FBXW7: variants seen among roughly 807,000 people sequenced by gnomAD.
FBXW7 encodes the protein F-box and WD repeat domain containing 7.
FBXW7 carries 11 observed loss-of-function variants against 86.3 expected under a neutral mutation model. That is an observed-to-expected ratio of 0.13 (90% CI 0.08 to 0.21). The LOEUF (loss-of-function observed/expected upper bound fraction) is 0.21. Ranked by LOEUF, FBXW7 falls within the 10% of genes least tolerant of loss-of-function variation. The pLI, the probability that FBXW7 is intolerant of heterozygous loss-of-function variation, is 1.00. For missense variants in FBXW7, 488 were observed against 847.4 expected (o/e 0.58, Z 5.27); for synonymous variants, 313 against 297.9 (o/e 1.05, Z -0.52).
chr4:152,481,312 A>G (rs758202726), intron 2 of FBXW7, among the ~76,000 whole-genome samples: 3 of 152,212 alleles, frequency 2.0e-5, no homozygotes, highest in Non-Finnish European at 4.4e-5. Context: ...TTGAGACTGT[A>G]GCTCAGAATA....
At chr4:152,361,965 CAAAAA>C (rs569330155) in intron 4 of FBXW7, among the ~76,000 whole-genome samples, 1 of 37,118 alleles carries the variant, frequency 2.7e-5, no homozygotes. Flanking sequence ...GACTCCATCT[CAAAAA>C]AAAAAAAAAA....
chr4:152,407,706 G>A (rs918392983), intron 4 of FBXW7, among the ~76,000 whole-genome samples: 1 of 152,066 alleles, frequency 6.6e-6, no homozygotes. Context: ...CAATACACTA[G>A]ATGCTTCTCC....
At chr4:152,490,446 C>T (rs545404651) in intron 2 of FBXW7, among the ~76,000 whole-genome samples, 3 of 152,154 alleles carry the variant, frequency 2.0e-5, no homozygotes, top group African/African-American at 7.2e-5. Flanking sequence ...AAGTACCAGG[C>T]ATTACATATA....
intron 2 of FBXW7, among the ~76,000 whole-genome samples, chr4:152,511,491 T>C (rs1223530245): frequency 6.6e-6 from 1 of 152,190 alleles, no homozygotes; most frequent in Non-Finnish European, 1.5e-5. Flanking sequence ...CAGGTGGATA[T>C]ATCTTTTGAT....
intron 2 of FBXW7, among the ~76,000 whole-genome samples, chr4:152,477,332 A>G (rs1744509190): frequency 6.6e-6 from 1 of 152,168 alleles, no homozygotes; most frequent in Non-Finnish European, 1.5e-5. Context: ...ATTAGCAGTC[A>G]TCGGACCTAT....
At chr4:152,332,773 T>C in intron 7 of FBXW7, 54 bp from the exon 8 acceptor site, 3 of 828,438 alleles carry the variant, frequency 3.6e-6, no homozygotes, top group Non-Finnish European at 4.7e-6. Context: ...ATATATATTA[T>C]ATAATAAGTT....
chr4:152,340,802 C>G (rs1730664190), intron 6 of FBXW7, among the ~76,000 whole-genome samples: 1 of 152,088 alleles, frequency 6.6e-6, no homozygotes, highest in Non-Finnish European at 1.5e-5. Flanking sequence ...TTTTCAACAT[C>G]TATTTTTGGA....
At chr4:152,344,206 A>C (rs1363101874) in intron 6 of FBXW7, among the ~76,000 whole-genome samples, 1 of 152,186 alleles carries the variant, frequency 6.6e-6, no homozygotes, top group Non-Finnish European at 1.5e-5. Flanking sequence ...AAGCACAGTA[A>C]GCCTTTAGGC....
At chr4:152,485,052 C>A (rs1303954080) in intron 2 of FBXW7, among the ~76,000 whole-genome samples, 1 of 150,494 alleles carries the variant, frequency 6.6e-6, no homozygotes, top group East Asian at 2.0e-4. Flanking sequence ...ATAGTAATGA[C>A]AACAAAAATA....
intron 2 of FBXW7, among the ~76,000 whole-genome samples, chr4:152,519,527 C>T (rs777822524): frequency 2.5e-4 from 38 of 152,126 alleles, no homozygotes; most frequent in Non-Finnish European, 4.9e-4. Context: ...CAGTTTTCTC[C>T]ATAATCTTAG....
intron 4 of FBXW7, among the ~76,000 whole-genome samples, chr4:152,374,387 AC>A (rs1440819106): frequency 6.6e-6 from 1 of 152,120 alleles, no homozygotes; most frequent in African/African-American, 2.4e-5. Flanking sequence ...CATAGTAATT[AC>A]TTTTAAAATT....
chr4:152,401,962 C>T (rs1736971042), intron 4 of FBXW7, among the ~76,000 whole-genome samples: 1 of 152,098 alleles, frequency 6.6e-6, no homozygotes, highest in Admixed American at 6.5e-5. Context: ...AAGTGTATTT[C>T]TTCTTACCAG....
At chr4:152,324,734 G>A (rs1298784933) in intron 12 of FBXW7, 1 of 229,372 alleles carries the variant, frequency 4.4e-6, no homozygotes, top group Non-Finnish European at 8.6e-6. Flanking sequence ...ATGGATGACT[G>A]AGAGAATTGC....
chr4:152,383,509 A>G (rs539889940), intron 4 of FBXW7, among the ~76,000 whole-genome samples: 7 of 152,150 alleles, frequency 4.6e-5, no homozygotes, highest in Non-Finnish European at 8.8e-5. Flanking sequence ...CAGATAGTAG[A>G]TAATGATTGT....
intron 7 of FBXW7, among the ~76,000 whole-genome samples, chr4:152,333,203 G>A (rs995245344): frequency 2.6e-5 from 4 of 152,068 alleles, no homozygotes; most frequent in Non-Finnish European, 4.4e-5. Flanking sequence ...AAATCAAAGT[G>A]TTTATTATTG....
At chr4:152,340,433 G>A (rs1337794107) in intron 6 of FBXW7, among the ~76,000 whole-genome samples, 1 of 151,882 alleles carries the variant, frequency 6.6e-6, no homozygotes, top group African/African-American at 2.4e-5. Flanking sequence ...AAAACAATTA[G>A]CTGGGCATCG....
At chr4:152,506,491 A>G (rs1320835171) in intron 2 of FBXW7, among the ~76,000 whole-genome samples, 2 of 152,194 alleles carry the variant, frequency 1.3e-5, no homozygotes, top group African/African-American at 4.8e-5. Context: ...TCACCACCAC[A>G]AACACATGAG....
intron 4 of FBXW7, 48 bp downstream of exon 4, chr4:152,411,255 A>G (rs924781472): frequency 6.7e-7 from 1 of 1,499,542 alleles, no homozygotes; most frequent in East Asian, 2.3e-5. Flanking sequence ...TACAATTAAA[A>G]TAGATATGTA....
chr4:152,414,113 A>T (rs545415718), intron 2 of FBXW7, among the ~76,000 whole-genome samples: 52 of 152,256 alleles, frequency 3.4e-4, no homozygotes, highest in African/African-American at 1.2e-3. Flanking sequence ...TTTCTGCCTA[A>T]ATATATCTTT....
Sources: gnomAD v4.1 joint callset for allele counts (sites outside exome capture counted in the v4.1 genomes callset) on GRCh38, gnomAD v4.1.1 for gene constraint, MANE v1.5 for transcripts, NCBI Gene and HGNC (gene_info 2026-07-23, HGNC 2026-07-21) for gene names.